Variants in MERTK observed in about 807,000 individuals in gnomAD.
MERTK encodes tyrosine-protein kinase Mer.
In MERTK, 69 loss-of-function variants were observed where a neutral mutation model predicts 99.3. That is an observed-to-expected ratio of 0.70 (90% CI 0.57 to 0.85). MERTK has a LOEUF of 0.85. Ranked by LOEUF, MERTK falls within the 40% of genes least tolerant of loss-of-function variation. MERTK has a pLI of 0.00. For synonymous variants in MERTK, 426 were observed against 467.6 expected, an observed-to-expected ratio of 0.91 and a Z score of 1.15; for missense variants, 1,125 against 1,249.4, an observed-to-expected ratio of 0.90 and a Z score of 1.50.
At chr2:111,966,362 T>C (rs2104723712) in intron 5 of MERTK, among the ~76,000 whole-genome samples, 1 of 152,218 alleles carries the variant, frequency 6.6e-6, no homozygotes, top group South Asian at 2.1e-4. Flanking sequence ...TTCACTGGGA[T>C]AAAAAAATAA....
intron 15 of MERTK, among the ~76,000 whole-genome samples, chr2:112,011,937 C>G (rs1327419863): frequency 6.6e-6 from 1 of 152,090 alleles, no homozygotes; most frequent in East Asian, 1.9e-4. Context: ...TGGTTATTCA[C>G]AGTGAGGGAG....
chr2:111,921,736 C>G (rs1041592959), intron 1 of MERTK, among the ~76,000 whole-genome samples: 12 of 152,058 alleles, frequency 7.9e-5, no homozygotes, highest in African/African-American at 2.9e-4. Context: ...TCTTTTGCAG[C>G]CTCCTCTGGG....
At chr2:111,991,743 G>A (rs1484686681) in intron 8 of MERTK, among the ~76,000 whole-genome samples, 1 of 151,986 alleles carries the variant, frequency 6.6e-6, no homozygotes, top group African/African-American at 2.4e-5. Context: ...GGTTGTGTGT[G>A]TACACACACA....
intron 1 of MERTK, among the ~76,000 whole-genome samples, chr2:111,915,913 A>T (rs1489464991): frequency 6.6e-6 from 1 of 152,156 alleles, no homozygotes; most frequent in Non-Finnish European, 1.5e-5. Context: ...AAATAAATAA[A>T]TAAGTTTAGT....
chr2:111,955,429 A>T (rs1475375927), intron 4 of MERTK, among the ~76,000 whole-genome samples: 3 of 152,118 alleles, frequency 2.0e-5, no homozygotes, highest in Non-Finnish European at 4.4e-5. Flanking sequence ...TTCAGGGGTT[A>T]GGTTTGGGGG....
intron 3 of MERTK, 136 bp from the exon 4 acceptor site, chr2:111,947,258 G>A (rs1460832075): frequency 2.2e-6 from 2 of 914,314 alleles, no homozygotes; most frequent in South Asian, 2.9e-5. Flanking sequence ...GGGTGACAGA[G>A]CAAGACTCCA....
chr2:111,905,741 T>C (rs1178313292), intron 1 of MERTK, among the ~76,000 whole-genome samples: 1 of 152,150 alleles, frequency 6.6e-6, no homozygotes, highest in African/African-American at 2.4e-5. Flanking sequence ...AGTGCTGGGA[T>C]TATAGGCGTG....
At chr2:111,943,542 T>C (rs1684902659) in intron 2 of MERTK, among the ~76,000 whole-genome samples, 1 of 151,872 alleles carries the variant, frequency 6.6e-6, no homozygotes, top group Non-Finnish European at 1.5e-5. Context: ...CCATCTAAAA[T>C]AAAATAAAAT....
chr2:111,906,821 C>T (rs564114632), intron 1 of MERTK, among the ~76,000 whole-genome samples: 14 of 152,374 alleles, frequency 9.2e-5, no homozygotes, highest in African/African-American at 3.4e-4. Flanking sequence ...TGTAAGTTCT[C>T]ATCCTAGCTT....
At chr2:111,929,826 CCT>C (rs545808644) in intron 2 of MERTK, among the ~76,000 whole-genome samples, 222 of 151,734 alleles carry the variant, frequency 1.5e-3, no homozygotes, top group African/African-American at 4.7e-3. Context: ...GTCTCAAACT[CCT>C]GACCTTGGGT....
At chr2:111,937,183 G>T (rs1404570130) in intron 2 of MERTK, among the ~76,000 whole-genome samples, 1 of 152,040 alleles carries the variant, frequency 6.6e-6, no homozygotes, top group Non-Finnish European at 1.5e-5. Context: ...GGTGGCTTAT[G>T]CCTGTAATCC....
chr2:111,945,101 T>C (rs754355895), intron 3 of MERTK, 41 bp downstream of exon 3: 2 of 1,461,706 alleles, frequency 1.4e-6, no homozygotes, highest in Non-Finnish European at 1.9e-6. Context: ...GAGAACTGTT[T>C]GTTTTAGGGC....
At chr2:111,981,046 G>A (rs1676362778) in intron 7 of MERTK, among the ~76,000 whole-genome samples, 1 of 152,186 alleles carries the variant, frequency 6.6e-6, no homozygotes, top group African/African-American at 2.4e-5. Context: ...GTTTGAAAGT[G>A]TGCGACTGAT....
chr2:111,929,875 A>G (rs1467119255), intron 2 of MERTK, among the ~76,000 whole-genome samples: 1 of 152,014 alleles, frequency 6.6e-6, no homozygotes, highest in Non-Finnish European at 1.5e-5. Context: ...TGCTGGGATT[A>G]CAGGCATGAG....
At chr2:111,935,932 T>C (rs921285562) in intron 2 of MERTK, among the ~76,000 whole-genome samples, 1 of 152,150 alleles carries the variant, frequency 6.6e-6, no homozygotes, top group African/African-American at 2.4e-5. Flanking sequence ...TTTTTTGTTT[T>C]TTGAGACAGA....
intron 4 of MERTK, among the ~76,000 whole-genome samples, chr2:111,956,947 C>CTTTTTTTT (rs71385850): frequency 1.5e-5 from 2 of 137,170 alleles, no homozygotes. Flanking sequence ...TTTCTTTTTT[C>CTTTTTTTT]TTTTTTTTTT....
intron 2 of MERTK, among the ~76,000 whole-genome samples, chr2:111,943,296 G>A (rs1409153270): frequency 1.3e-5 from 2 of 152,166 alleles, no homozygotes; most frequent in Admixed American, 6.5e-5. Flanking sequence ...TCGTTCCCCT[G>A]GTCATGGTCT....
chr2:111,976,257 G>A (rs1466586462), intron 7 of MERTK, among the ~76,000 whole-genome samples: 6 of 152,160 alleles, frequency 3.9e-5, no homozygotes, highest in Non-Finnish European at 8.8e-5. Context: ...CTGTTCTCTT[G>A]TTTTTTTGTG....
intron 4 of MERTK, among the ~76,000 whole-genome samples, chr2:111,948,486 T>A (rs1377462149): frequency 2.0e-5 from 3 of 152,216 alleles, no homozygotes; most frequent in Admixed American, 6.5e-5. Flanking sequence ...TGCAGGCTCA[T>A]GTATCCAACC....
Sources: allele counts gnomAD v4.1 joint callset (sites outside exome capture counted in the v4.1 genomes callset), GRCh38; gene constraint gnomAD v4.1.1; transcripts MANE v1.5; gene names NCBI Gene and HGNC (gene_info 2026-07-23, HGNC 2026-07-21).